Variants in GATA4 observed in about 807,000 individuals in gnomAD.
GATA4 encodes GATA binding protein 4.
A neutral mutation model predicts 37.9 loss-of-function variants in GATA4; 7 were observed. The ratio of observed to expected loss-of-function variants is 0.18; its 90% CI spans 0.11 to 0.35. GATA4 has a LOEUF of 0.35. GATA4 is among the 10% of genes least tolerant of loss of function. GATA4 has a pLI of 1.00. For synonymous variants in GATA4, 372 were observed against 292.6 expected, an observed-to-expected ratio of 1.27 and a Z score of -2.77; for missense variants, 647 against 653.0, an observed-to-expected ratio of 0.99 and a Z score of 0.10.
At chr8:11,735,920 T>A (rs57341427) in intron 2 of GATA4, among the ~76,000 whole-genome samples, 13,166 of 151,406 alleles carry the variant, frequency 0.087, 661 homozygotes, top group South Asian at 0.13. Flanking sequence ...AAAAAAAAAA[T>A]TTTTTTTTGA....
intron 2 of GATA4, among the ~76,000 whole-genome samples, chr8:11,739,429 G>A (rs1355570996): frequency 6.8e-6 from 1 of 147,320 alleles, no homozygotes; most frequent in Non-Finnish European, 1.5e-5. Context: ...CAGTTTTATT[G>A]CTAGCAAGAG....
At chr8:11,679,765 T>G (rs1416021299) in intron 1 of GATA4, among the ~76,000 whole-genome samples, 1 of 151,824 alleles carries the variant, frequency 6.6e-6, no homozygotes, top group African/African-American at 2.4e-5. Flanking sequence ...AGGGGCGAGG[T>G]TGGGATCGGG....
At chr8:11,755,393 GGC>G (rs1802506114) in intron 5 of GATA4, among the ~76,000 whole-genome samples, 2 of 152,232 alleles carry the variant, frequency 1.3e-5, no homozygotes, top group South Asian at 4.1e-4. Context: ...CCAGTGCTCA[GGC>G]TGGACCAGCC....
Position 11,750,101 on chromosome 8 carries a change from T to C in GATA4, c.787-10T>C. On this transcript the variant is annotated splice_polypyrimidine_tract_variant and intron_variant, in intron 3 of 6. Transcript: ENST00000532059. ...ACTTGGACATGAAGCATTTGTTTCC[T>C]GTCTTGCAGTCCGCCTCCCGCCGAG... 1 of 1,614,122 alleles carries C rather than the reference T, an allele frequency of 6.2e-7. No individual in the cohort carries two copies. The highest frequency in any genetic ancestry group is 8.5e-7 in the Non-Finnish European group (1 of 1,180,046).
chr8:11,691,106 C>T (rs952853618), upstream of GATA4, among the ~76,000 whole-genome samples: 2 of 152,192 alleles, frequency 1.3e-5, no homozygotes, highest in African/African-American at 4.8e-5. Flanking sequence ...TCAATCCACG[C>T]AGCATACTTG....
intron 4 of GATA4, among the ~76,000 whole-genome samples, chr8:11,751,351 G>C (rs987940837): frequency 6.6e-6 from 1 of 152,078 alleles, no homozygotes; most frequent in Admixed American, 6.6e-5. Context: ...ATTTATAGGT[G>C]GTTGCTTCCA....
chr8:11,733,821 C>G (rs574925710), intron 2 of GATA4, among the ~76,000 whole-genome samples: 1 of 152,244 alleles, frequency 6.6e-6, no homozygotes, highest in South Asian at 2.1e-4. Flanking sequence ...TCCACCACCC[C>G]GATGACACAG....
intron 2 of GATA4, among the ~76,000 whole-genome samples, chr8:11,729,125 C>T (rs1801081228): frequency 6.6e-6 from 1 of 152,072 alleles, no homozygotes; most frequent in African/African-American, 2.4e-5. Context: ...CCCAACTACT[C>T]AGGAGGCTGA....
intron 2 of GATA4, among the ~76,000 whole-genome samples, chr8:11,724,236 C>G (rs1435355070): frequency 6.6e-6 from 1 of 152,116 alleles, no homozygotes; most frequent in Non-Finnish European, 1.5e-5. Context: ...TGGGTTGCGT[C>G]TGCCCATTGA....
chr8:11,685,349 C>A (rs534600923), intron 1 of GATA4, among the ~76,000 whole-genome samples: 24 of 152,280 alleles, frequency 1.6e-4, no homozygotes, highest in African/African-American at 5.8e-4. Flanking sequence ...TGGTTGTCCC[C>A]GTTATACTTT....
chr8:11,710,654 C>T (rs375532801), intron 2 of GATA4, among the ~76,000 whole-genome samples: 3 of 125,956 alleles, frequency 2.4e-5, no homozygotes, highest in East Asian at 5.2e-4. Context: ...CGCGCCACTG[C>T]ACTCCAGCCT....
chr8:11,739,899 G>A (rs945582051), intron 2 of GATA4, among the ~76,000 whole-genome samples: 5 of 152,172 alleles, frequency 3.3e-5, no homozygotes, highest in African/African-American at 1.2e-4. Context: ...CAGGTTTTAA[G>A]ACTGTACCAC....
At chr8:11,685,525 T>G (rs1459533732) in intron 1 of GATA4, among the ~76,000 whole-genome samples, 2 of 152,204 alleles carry the variant, frequency 1.3e-5, no homozygotes, top group Non-Finnish European at 2.9e-5. Context: ...AATCATTTGT[T>G]CCAGAGAATT....
intron 2 of GATA4, among the ~76,000 whole-genome samples, chr8:11,744,042 C>T (rs563474647): frequency 4.6e-5 from 7 of 152,296 alleles, no homozygotes; most frequent in South Asian, 2.1e-4. Flanking sequence ...TACAAGTGAA[C>T]GCGGTCAGCC....
At chr8:11,688,495 C>T (rs1356744768), upstream of GATA4, among the ~76,000 whole-genome samples, 3 of 151,830 alleles carry the variant, frequency 2.0e-5, no homozygotes, top group Non-Finnish European at 4.4e-5. Flanking sequence ...CAAAATAAAG[C>T]ACACATGCAT....
At chr8:11,703,989 C>T (rs1317201778), upstream of GATA4, among the ~76,000 whole-genome samples, 2 of 152,262 alleles carry the variant, frequency 1.3e-5, no homozygotes, top group South Asian at 4.1e-4. Flanking sequence ...GGTGATTCCC[C>T]GCTCCCTGGC....
In GATA4 at chr8:11,722,708, G is replaced by T. The variant is rs576845048; in HGVS notation, c.616+13780G>T. Among the ~76,000 whole-genome samples the T allele has an allele frequency of 2.0e-5, 3 of 152,274 alleles. No individual in the cohort carries two copies. In the South Asian group the frequency reaches 6.2e-4, roughly 32 times the overall value. ...TATTCCTCTGTCCCCTGTTGCTCAT[G>T]TAAGTCTGTGATGGGAAAAATAGGC... On this transcript the variant is annotated intron_variant, in intron 2 of 6. Coordinates refer to ENST00000532059, the MANE Select transcript of GATA4 (RefSeq NM_001308093.3).
chr8:11,720,386 C>A (rs569172681), intron 2 of GATA4, among the ~76,000 whole-genome samples: 3 of 152,050 alleles, frequency 2.0e-5, no homozygotes, highest in South Asian at 2.1e-4. Flanking sequence ...TAGGTTTCCA[C>A]GGCTGCCTGC....
At chr8:11,752,292 T>C (rs2130323945) in intron 4 of GATA4, among the ~76,000 whole-genome samples, 1 of 152,314 alleles carries the variant, frequency 6.6e-6, no homozygotes, top group Non-Finnish European at 1.5e-5. Context: ...GGTGTATTAG[T>C]CTGTTTTCAC....
Sources: allele counts gnomAD v4.1 joint callset (sites outside exome capture counted in the v4.1 genomes callset), GRCh38; gene constraint gnomAD v4.1.1; transcripts MANE v1.5; gene names NCBI Gene and HGNC (gene_info 2026-07-23, HGNC 2026-07-21).